LAMA1: variants seen among roughly 807,000 people sequenced by gnomAD.
The protein encoded by LAMA1 is laminin subunit alpha-1.
In LAMA1, 219 loss-of-function variants were observed where a neutral mutation model predicts 348.7. That is an observed-to-expected ratio of 0.63 (90% confidence interval 0.56 to 0.70). The LOEUF is 0.70. Among genes scored for constraint, LAMA1 ranks in the 30% least tolerant of loss-of-function variants. The probability of loss-of-function intolerance (pLI) is 0.00; values close to 1 mark genes in which losing one functional copy is unlikely to be tolerated. For missense variants in LAMA1, 3,744 were observed against 3,888.0 expected (o/e 0.96, Z 0.99); for synonymous variants, 1,487 against 1,491.0 (o/e 1.00, Z 0.06).
At chr18:7,056,421 G>A (rs571723161) in intron 3 of LAMA1, among the ~76,000 whole-genome samples, 25 of 152,306 alleles carry the variant, frequency 1.6e-4, no homozygotes, top group African/African-American at 5.3e-4. Context: ...CCACGTGCGT[G>A]TTAAGAGCTT....
chr18:7,004,214 C>T lies in LAMA1; in HGVS notation c.4261-1829G>A, dbSNP rs201094469. 3.8e-4 allele frequency among the ~76,000 whole-genome samples: 58 copies of T among 152,210 alleles called. 1 individual carries two copies. In the East Asian group the frequency reaches 9.1e-3, roughly 24 times the overall value. On this transcript the variant is annotated intron_variant, in intron 29 of 62. Coordinates refer to ENST00000389658, the MANE Select transcript of LAMA1 (RefSeq NM_005559.4). Reference sequence around the variant, plus strand: ...TGGGAAATTCACAGAGAATGCCTGCCAATATTTCACTGATGTAAAAAGGTT... The same window carrying T: ...TGGGAAATTCACAGAGAATGCCTGCTAATATTTCACTGATGTAAAAAGGTT...
chr18:7,080,086 T>C lies in LAMA1; in HGVS notation c.234A>G (p.Glu78=). 1.2e-6 allele frequency: 2 copies of C among 1,610,784 alleles called. No homozygotes were observed. The highest frequency in any genetic ancestry group is 1.1e-5 in the South Asian group (1 of 90,978). ...ICDGNSANPR[E]RHPISHAIDG... ...CTATGGCATGTGATATTGGATGGCG[T>C]TCTGTTGAAAGAAAATAAAAAACAT... The change falls in exon 3 of 63, where the codon GAA becomes GAG. Residue 78 remains glutamate (E), a splice_region_variant and synonymous_variant. Transcript: ENST00000389658.
intron 10 of LAMA1, among the ~76,000 whole-genome samples, chr18:7,039,280 T>C (rs1428629224): frequency 2.0e-5 from 3 of 152,224 alleles, no homozygotes; most frequent in Admixed American, 2.0e-4. Context: ...CTCTTATTCA[T>C]AAATGCTCAA....
intron 61 of LAMA1, among the ~76,000 whole-genome samples, chr18:6,943,843 C>CAAA (rs61710961): frequency 9.5e-5 from 6 of 63,188 alleles, no homozygotes; most frequent in East Asian, 4.9e-4. Context: ...AACTCCATCT[C>CAAA]AAAAAAAAAA....
At chr18:6,952,229 G>C (rs1025967931) in intron 57 of LAMA1, among the ~76,000 whole-genome samples, 6 of 152,224 alleles carry the variant, frequency 3.9e-5, no homozygotes, top group Admixed American at 2.6e-4. Flanking sequence ...AACTAGGAGA[G>C]TGTGCATCTG....
intron 3 of LAMA1, among the ~76,000 whole-genome samples, chr18:7,072,758 GAGA>G (rs1325800039): frequency 1.1e-4 from 17 of 152,180 alleles, no homozygotes; most frequent in African/African-American, 4.1e-4. Context: ...ACCACCTACT[GAGA>G]AGAAGTGTTT....
chr18:6,961,285 C>T (rs184626418), intron 53 of LAMA1, among the ~76,000 whole-genome samples: 1 of 152,202 alleles, frequency 6.6e-6, no homozygotes, highest in Non-Finnish European at 1.5e-5. Context: ...AAAATGACCA[C>T]AACATGGGGA....
At chr18:6,976,713 C>T (rs1212931709) in intron 44 of LAMA1, among the ~76,000 whole-genome samples, 1 of 152,032 alleles carries the variant, frequency 6.6e-6, no homozygotes, top group African/African-American at 2.4e-5. Context: ...CTTGAGCAAT[C>T]CTCCTGCCTC....
At position 7,049,178 on chromosome 18, in the gene LAMA1, T is replaced by G; in HGVS notation, c.668A>C (p.Tyr223Ser). The change falls in exon 5 of 63, where the codon TAT becomes TCT. Residue 223 changes from tyrosine (Y) to serine (S), a missense_variant. This residue lies in a region of LAMA1 where 1,529 missense variants were observed against 1,689.4 expected (regional missense o/e 0.91). Transcript: ENST00000389658. ...PKLLEFTSARYIRLRLQRIRT... is the reference protein window; with the variant it reads ...PKLLEFTSARSIRLRLQRIRT... ...AATGCGTTGCAAGCGAAGGCGAATA[T>G]ATCGTGCAGAAGTGAATTCCAACAA... 4 of 1,614,202 alleles carry G rather than the reference T, an allele frequency of 2.5e-6. No individual in the cohort carries two copies. Among genetic ancestry groups the G allele is most frequent in the Non-Finnish European group, 3.4e-6 (4 of 1,180,022 alleles).
At position 6,980,641 on chromosome 18, in the gene LAMA1, T is replaced by C. The variant is rs1381396824; in HGVS notation, c.5891-4A>G. ...TCACTCAGTTCCAATGCAATACCTA[T>C]TTAAAGGGAGAAAAATGTTTCCTTT... On this transcript the variant is annotated splice_region_variant and splice_polypyrimidine_tract_variant and intron_variant, in intron 41 of 62. Transcript: ENST00000389658. 3 of 1,558,242 alleles carry C rather than the reference T, an allele frequency of 1.9e-6. No individual in the cohort carries two copies. In the African/African-American group the frequency reaches 4.1e-5, roughly 21 times the overall value.
chr18:6,958,077 T>G (rs921023235), intron 55 of LAMA1, among the ~76,000 whole-genome samples: 2 of 152,186 alleles, frequency 1.3e-5, no homozygotes, highest in Admixed American at 6.5e-5. Flanking sequence ...TAATTGTTTT[T>G]GGGGAAGCCA....
At chr18:7,037,431 A>G (rs2058000055) in intron 12 of LAMA1, 147 bp downstream of exon 12, 6 of 848,272 alleles carry the variant, frequency 7.1e-6, no homozygotes, top group South Asian at 4.4e-5. Context: ...CCTTCTTTGT[A>G]TCATCAGATG....
At chr18:6,962,830 T>C (rs528729296) in intron 51 of LAMA1, among the ~76,000 whole-genome samples, 2 of 152,204 alleles carry the variant, frequency 1.3e-5, no homozygotes, top group African/African-American at 4.8e-5. Flanking sequence ...GAAGTAACTG[T>C]ATTTGGTGAA....
intron 61 of LAMA1, among the ~76,000 whole-genome samples, chr18:6,944,306 G>A (rs964911236): frequency 2.6e-5 from 4 of 152,134 alleles, no homozygotes; most frequent in South Asian, 2.1e-4. Context: ...GTGAGCCACC[G>A]CACCTGGCCC....
intron 1 of LAMA1, among the ~76,000 whole-genome samples, chr18:7,086,581 T>G (rs112480810): frequency 1.7e-3 from 250 of 149,200 alleles, no homozygotes; most frequent in African/African-American, 5.2e-3. Flanking sequence ...GACCTGTCTC[T>G]CCCCAGTTCT....
At chr18:7,038,990 T>C (rs746131361) in intron 10 of LAMA1, 40 bp from the exon 11 acceptor site, 18 of 1,538,598 alleles carry the variant, frequency 1.2e-5, no homozygotes, top group Non-Finnish European at 1.6e-5. Context: ...GAAACCAATG[T>C]GTCTGTCCAG....
chr18:7,077,779 C>T (rs958582699), intron 3 of LAMA1, among the ~76,000 whole-genome samples: 12 of 151,886 alleles, frequency 7.9e-5, no homozygotes, highest in Non-Finnish European at 1.0e-4. Flanking sequence ...TGGGAAAAAC[C>T]GAAATCTTCC....
intron 3 of LAMA1, among the ~76,000 whole-genome samples, chr18:7,077,440 C>T (rs528774377): frequency 1.3e-5 from 2 of 152,136 alleles, no homozygotes; most frequent in South Asian, 2.1e-4. Context: ...CTCCTGACCT[C>T]GTGATCCGCC....
Position 7,053,780 on chromosome 18 carries a change from A to ATTTT in LAMA1, c.346-2848_346-2845dup, listed in dbSNP as rs371341214. Among the ~76,000 whole-genome samples, 161 of 138,286 alleles carry ATTTT rather than the reference A, an allele frequency of 1.2e-3. 1 individual carries two copies. Among genetic ancestry groups the ATTTT allele is most frequent in the African/African-American group, 4.0e-3 (148 of 36,846 alleles). 90.7% of individuals were successfully genotyped at this position (138,286 alleles called of 152,430 possible). A position where few individuals can be genotyped will look rare whatever the true frequency, so the allele number is the denominator to read the frequency against. On this transcript the variant is annotated intron_variant, in intron 3 of 62. Transcript: ENST00000389658. ...TTTATGACAACTCCCTCATTAGAGG[A>ATTTT]TTTTTTTTTTTTTTTTTTGAGACAA... is the stretch of plus-strand genomic sequence containing the variant.
Sources: gnomAD v4.1 joint callset for allele counts (sites outside exome capture counted in the v4.1 genomes callset) on GRCh38, gnomAD v4.1.1 for gene constraint, gnomAD v4.1.1 regional missense constraint, MANE v1.5 for transcripts, NCBI Gene and HGNC (gene_info 2026-07-23, HGNC 2026-07-21) for gene names.